The following NUP58 variants were observed in gnomAD, a reference collection of about 807,000 sequenced individuals.
NUP58 encodes the protein nucleoporin 58.
NUP58 carries 17 observed loss-of-function variants against 70.1 expected under a neutral mutation model. The observed-to-expected ratio is 0.24, with a 90% CI of 0.17 to 0.36. The LOEUF is 0.36. Among genes scored for constraint, NUP58 ranks in the 10% least tolerant of loss-of-function variants. NUP58 has a pLI of 1.00. For missense variants in NUP58, 644 were observed against 701.5 expected, an observed-to-expected ratio of 0.92 and a Z score of 0.93; for synonymous variants, 275 against 257.6, an observed-to-expected ratio of 1.07 and a Z score of -0.65.
intron 15 of NUP58, chr13:25,338,944 T>G (rs943144439): frequency 1.2e-5 from 4 of 345,092 alleles, no homozygotes; most frequent in Non-Finnish European, 1.0e-5. Context: ...ACAAGACTTC[T>G]TAGTTTGATT....
At chr13:25,345,854 TTGAC>T (rs2032042931), downstream of NUP58, among the ~76,000 whole-genome samples, 2 of 152,022 alleles carry the variant, frequency 1.3e-5, no homozygotes, top group African/African-American at 4.8e-5. Context: ...AATGGAAAAA[TTGAC>T]TGTGGCCCAG....
chr13:25,321,214 G>A (rs530150192), intron 9 of NUP58, 121 bp downstream of exon 9: 1 of 784,062 alleles, frequency 1.3e-6, no homozygotes, highest in African/African-American at 1.8e-5. Flanking sequence ...CATACCGGTA[G>A]AAAACCAGAT....
chr13:25,342,345 A>T lies in NUP58; in HGVS notation c.*2211A>T, dbSNP rs2031982597. On this transcript the variant is annotated 3_prime_UTR_variant, in exon 16 of 16. Coordinates refer to ENST00000381736, the MANE Select transcript of NUP58 (RefSeq NM_014089.4). ...GTTATAGGAGTTTAAATGTGTTGTC[A>T]TTGTCTCCATTGTCTTTGTCCAGAG... 6.6e-6 allele frequency: 1 copy of T among 152,572 alleles called. No individual in the cohort carries two copies. Among genetic ancestry groups the T allele is most frequent in the Admixed American group, 6.5e-5 (1 of 15,268 alleles). The allele number at this position is 152,572 out of a possible 1,614,324, so 9.5% of individuals were successfully genotyped here.
At chr13:25,331,897 GT>G (rs1216346525) in intron 13 of NUP58, 1 of 1,083,196 alleles carries the variant, frequency 9.2e-7, no homozygotes, top group Non-Finnish European at 1.1e-6. Context: ...ACCATTTATT[GT>G]TTTAAAGTCA....
At chr13:25,322,487 A>G (rs2031227416) in intron 9 of NUP58, among the ~76,000 whole-genome samples, 1 of 152,162 alleles carries the variant, frequency 6.6e-6, no homozygotes, top group Admixed American at 6.5e-5. Flanking sequence ...CAAAATCCAA[A>G]ACTTTTTGAG....
intron 3 of NUP58, among the ~76,000 whole-genome samples, chr13:25,348,567 C>T (rs1160575709): frequency 6.6e-6 from 1 of 152,178 alleles, no homozygotes; most frequent in Non-Finnish European, 1.5e-5. Flanking sequence ...CACACCATCA[C>T]ACCTGGCTAG....
At position 25,312,440 on chromosome 13, in the gene NUP58, T is replaced by C. The variant is rs192692347; in HGVS notation, c.287-443T>C. ...TGGAGTGCAGTGGCACGATTTCAGCTCACTGCAACCTCCCCCTCCCAGGTT... is the reference window on the plus strand; with the variant it reads ...TGGAGTGCAGTGGCACGATTTCAGCCCACTGCAACCTCCCCCTCCCAGGTT... On this transcript the variant is annotated intron_variant, in intron 3 of 15. Coordinates refer to ENST00000381736, the MANE Select transcript of NUP58 (RefSeq NM_014089.4). Among the ~76,000 whole-genome samples the C allele has an allele frequency of 3.0e-3, 463 of 152,330 alleles. 2 individuals carry two copies. Among genetic ancestry groups the C allele is most frequent in the Non-Finnish European group, 5.1e-3 (347 of 68,020 alleles).
rs535015764 is a variant in NUP58, at chr13:25,320,338, A to G, written c.711-192A>G. On this transcript the variant is annotated intron_variant, in intron 7 of 15. Coordinates refer to ENST00000381736, the MANE Select transcript of NUP58 (RefSeq NM_014089.4). ...AAATCTTCATGTCAGATGAATTGTT[A>G]AAATTATTTTATAGATCCTATTTAC... 2.1e-4 allele frequency: 95 copies of G among 446,124 alleles called. No homozygotes were observed. In the Middle Eastern group the frequency reaches 3.6e-3, roughly 17 times the overall value. 27.6% of individuals were successfully genotyped at this position (446,124 alleles called of 1,614,324 possible).
chr13:25,308,607 G>A (rs1412670689), intron 2 of NUP58, among the ~76,000 whole-genome samples: 1 of 151,832 alleles, frequency 6.6e-6, no homozygotes, highest in African/African-American at 2.4e-5. Flanking sequence ...TACCATGCCT[G>A]GTCTATAATT....
chr13:25,335,022 T>A (rs1047698768), intron 13 of NUP58: 22 of 985,212 alleles, frequency 2.2e-5, no homozygotes, highest in Middle Eastern at 5.2e-4. Context: ...GTGAAACTAA[T>A]ATATATGGTG....
intron 8 of NUP58, 131 bp downstream of exon 8, chr13:25,320,726 T>C: frequency 1.3e-6 from 1 of 780,310 alleles, no homozygotes; most frequent in Non-Finnish European, 2.0e-6. Context: ...TGTTAGTGCT[T>C]TTAGAAATCA....
chr13:25,307,932 A>G lies in NUP58; in HGVS notation c.234A>G (p.Leu78=). ...FGSKPATGFT[L]GGTNTGIATT... is the part of the protein sequence containing the mutation. ...CTAAACCTGCCACTGGGTTCACTCTAGGAGGAACAAATACAGGTGAGGAGG... is the reference window on the plus strand; with the variant it reads ...CTAAACCTGCCACTGGGTTCACTCTGGGAGGAACAAATACAGGTGAGGAGG... Residue 78 remains leucine, a synonymous_variant, in exon 2 of 16, where the codon CTA becomes CTG. Transcript: ENST00000381736. 6.2e-7 allele frequency: 1 copy of G among 1,614,124 alleles called. No individual in the cohort carries two copies. Among genetic ancestry groups the G allele is most frequent in the Non-Finnish European group, 8.5e-7 (1 of 1,179,986 alleles).
chr13:25,307,763 T>C (rs759550074), intron 1 of NUP58, 43 bp from the exon 2 acceptor site: 3 of 1,607,372 alleles, frequency 1.9e-6, no homozygotes, highest in South Asian at 1.1e-5. Flanking sequence ...AGACCTCCTT[T>C]TGTGCATGTG....
chr13:25,320,016 T>C (rs2031114627), intron 7 of NUP58, among the ~76,000 whole-genome samples: 1 of 152,126 alleles, frequency 6.6e-6, no homozygotes, highest in Admixed American at 6.5e-5. Context: ...TAAATATTTA[T>C]TATTCCTGTA....
intron 13 of NUP58, chr13:25,336,258 TATCAC>T (rs748120878): frequency 7.3e-7 from 1 of 1,366,168 alleles, no homozygotes; most frequent in Non-Finnish European, 9.8e-7. Context: ...AGAACTCAAT[TATCAC>T]TTTTTGTGAA....
intron 4 of NUP58, 88 bp from the exon 5 acceptor site, chr13:25,313,526 T>A: frequency 8.2e-7 from 1 of 1,212,342 alleles, no homozygotes; most frequent in Admixed American, 3.0e-5. Flanking sequence ...ATCATGGATG[T>A]CAGTTTTTAA....
At chr13:25,328,289 A>T (rs538632767) in intron 12 of NUP58, among the ~76,000 whole-genome samples, 62 of 152,292 alleles carry the variant, frequency 4.1e-4, no homozygotes, top group African/African-American at 1.4e-3. Flanking sequence ...CACTGCATTA[A>T]AAACCGGCTT....
intron 5 of NUP58, 136 bp downstream of exon 5, chr13:25,313,887 A>T (rs1318798204): frequency 1.7e-6 from 1 of 600,170 alleles, no homozygotes; most frequent in Non-Finnish European, 2.7e-6. Context: ...TTATAAAATG[A>T]TGGTTTTCAT....
chr13:25,338,612 A>G (rs745590135), intron 14 of NUP58, 24 bp from the exon 15 acceptor site: 1 of 1,560,754 alleles, frequency 6.4e-7, no homozygotes, highest in South Asian at 1.1e-5. Flanking sequence ...GCCATTGTAT[A>G]TTTTTCTATT....
Sources: allele counts gnomAD v4.1 joint callset (sites outside exome capture counted in the v4.1 genomes callset), GRCh38; gene constraint gnomAD v4.1.1; transcripts MANE v1.5; gene names NCBI Gene and HGNC (gene_info 2026-07-23, HGNC 2026-07-21).